The following TMCC1 variants were observed in gnomAD, a reference collection of about 807,000 sequenced individuals.
TMCC1 encodes transmembrane and coiled-coil domain family 1, also known as transmembrane and coiled-coil domains protein 1.
In TMCC1, 15 loss-of-function variants were observed where a neutral mutation model predicts 52.4. The observed-to-expected ratio is 0.29, with a 90% confidence interval of 0.19 to 0.44. The LOEUF is 0.44. Ranked by LOEUF, TMCC1 falls within the 20% of genes least tolerant of loss-of-function variation. The pLI, the probability that TMCC1 is intolerant of heterozygous loss-of-function variation, is 1.00. For synonymous variants in TMCC1, 279 were observed against 301.9 expected, an observed-to-expected ratio of 0.92 and a Z score of 0.79; for missense variants, 503 against 806.0, an observed-to-expected ratio of 0.62 and a Z score of 4.55.
intron 4 of TMCC1, among the ~76,000 whole-genome samples, chr3:129,756,693 G>A (rs1353018840): frequency 1.3e-5 from 2 of 152,130 alleles, no homozygotes; most frequent in East Asian, 3.8e-4. Flanking sequence ...CACCGCACCC[G>A]GCCAGATGGA....
At chr3:129,730,877 T>C (rs753472039) in intron 4 of TMCC1, among the ~76,000 whole-genome samples, 29 of 152,332 alleles carry the variant, frequency 1.9e-4, no homozygotes, top group South Asian at 4.1e-4. Flanking sequence ...AAAATGAAAT[T>C]TTGTAATTAA....
intron 4 of TMCC1, among the ~76,000 whole-genome samples, chr3:129,739,162 T>C (rs1361562784): frequency 6.6e-6 from 1 of 152,042 alleles, no homozygotes; most frequent in East Asian, 1.9e-4. Context: ...TTAAAAGATA[T>C]CCTTCACAGA....
chr3:129,818,238 T>C (rs923713624), intron 4 of TMCC1, among the ~76,000 whole-genome samples: 3 of 152,012 alleles, frequency 2.0e-5, no homozygotes, highest in African/African-American at 4.8e-5. Flanking sequence ...CCCCAGCACC[T>C]GGCTGGGAAT....
intron 4 of TMCC1, among the ~76,000 whole-genome samples, chr3:129,739,083 C>T (rs1246015328): frequency 6.6e-6 from 1 of 152,180 alleles, no homozygotes; most frequent in Non-Finnish European, 1.5e-5. Flanking sequence ...TCCCAAACTG[C>T]TGGGATTAAA....
intron 2 of TMCC1, among the ~76,000 whole-genome samples, chr3:129,839,031 A>T (rs1191614786): frequency 6.6e-6 from 1 of 152,194 alleles, no homozygotes; most frequent in East Asian, 1.9e-4. Flanking sequence ...GACAAGCAAA[A>T]ATAGAGAATT....
intron 4 of TMCC1, among the ~76,000 whole-genome samples, chr3:129,678,506 G>A (rs1337848849): frequency 2.0e-5 from 3 of 151,272 alleles, no homozygotes; most frequent in African/African-American, 4.9e-5. Context: ...GATTACAGGC[G>A]TGTGCCACCA....
intron 2 of TMCC1, among the ~76,000 whole-genome samples, chr3:129,870,278 T>G (rs1181515920): frequency 2.0e-5 from 3 of 152,214 alleles, no homozygotes; most frequent in Admixed American, 6.6e-5. Flanking sequence ...GAAACTAAAG[T>G]CATCAAGACA....
intron 2 of TMCC1, chr3:129,847,043 C>T (rs2059698603): frequency 6.6e-6 from 1 of 151,972 alleles, no homozygotes; most frequent in Non-Finnish European, 1.5e-5. Flanking sequence ...AAAAAGAATG[C>T]TGTCTCCTCG....
intron 4 of TMCC1, among the ~76,000 whole-genome samples, chr3:129,735,922 G>C (rs1306085462): frequency 1.3e-5 from 2 of 152,192 alleles, no homozygotes; most frequent in African/African-American, 2.4e-5. Context: ...GAAGCCTGCT[G>C]ACCTTCTGGG....
At chr3:129,889,315 G>A (rs1037601945) in intron 1 of TMCC1, among the ~76,000 whole-genome samples, 4 of 152,076 alleles carry the variant, frequency 2.6e-5, no homozygotes, top group Non-Finnish European at 5.9e-5. Flanking sequence ...GTTCAAAACT[G>A]CCAAGGTCAC....
chr3:129,677,729 T>G (rs887996444), intron 4 of TMCC1, among the ~76,000 whole-genome samples: 1 of 152,036 alleles, frequency 6.6e-6, no homozygotes, highest in African/African-American at 2.4e-5. Flanking sequence ...TTGTGAAGAG[T>G]AGAGGGTCCA....
intron 2 of TMCC1, among the ~76,000 whole-genome samples, chr3:129,865,863 T>C (rs982774446): frequency 2.6e-5 from 4 of 152,166 alleles, no homozygotes; most frequent in Non-Finnish European, 1.5e-5. Context: ...CACTGCAAAA[T>C]GCCAATGACT....
intron 1 of TMCC1, among the ~76,000 whole-genome samples, chr3:129,885,166 C>G (rs1419718995): frequency 6.6e-6 from 1 of 151,796 alleles, no homozygotes; most frequent in African/African-American, 2.4e-5. Flanking sequence ...AAATAAGCTA[C>G]AGCAAAGAAT....
At chr3:129,794,086 T>C (rs1422226992) in intron 4 of TMCC1, among the ~76,000 whole-genome samples, 1 of 152,194 alleles carries the variant, frequency 6.6e-6, no homozygotes, top group Non-Finnish European at 1.5e-5. Context: ...AACTACAACT[T>C]TGCCCAAATT....
chr3:129,779,224 A>G (rs1180989333), intron 4 of TMCC1, among the ~76,000 whole-genome samples: 1 of 152,154 alleles, frequency 6.6e-6, no homozygotes, highest in Non-Finnish European at 1.5e-5. Flanking sequence ...GGAAAGTTAA[A>G]TTTTCTTCTT....
At chr3:129,811,772 T>C (rs1489711948) in intron 4 of TMCC1, among the ~76,000 whole-genome samples, 3 of 149,880 alleles carry the variant, frequency 2.0e-5, no homozygotes, top group African/African-American at 7.3e-5. Flanking sequence ...GGCGAAACCC[T>C]GTCTCTACTA....
At chr3:129,815,847 A>G (rs1007507663) in intron 4 of TMCC1, among the ~76,000 whole-genome samples, 4 of 152,210 alleles carry the variant, frequency 2.6e-5, no homozygotes, top group Admixed American at 6.5e-5. Context: ...CAAACTATCC[A>G]TCTGACAAGG....
intron 4 of TMCC1, among the ~76,000 whole-genome samples, chr3:129,706,769 C>T (rs2048278324): frequency 6.6e-6 from 1 of 152,138 alleles, no homozygotes; most frequent in African/African-American, 2.4e-5. Flanking sequence ...CTATACAAGA[C>T]AAAGTCATTT....
chr3:129,800,757 C>CTA, intron 4 of TMCC1, among the ~76,000 whole-genome samples: 1 of 147,576 alleles, frequency 6.8e-6, no homozygotes, highest in Non-Finnish European at 1.5e-5. Context: ...GCATGGCTCT[C>CTA]TAAATATACA....
Sources: gnomAD v4.1 joint callset for allele counts (sites outside exome capture counted in the v4.1 genomes callset) on GRCh38, gnomAD v4.1.1 for gene constraint, MANE v1.5 for transcripts, NCBI Gene and HGNC (gene_info 2026-07-23, HGNC 2026-07-21) for gene names.